DLGAP1: variants seen among roughly 807,000 people sequenced by gnomAD.
DLGAP1 encodes disks large-associated protein 1.
Under a neutral mutation model 90.8 loss-of-function variants are expected in DLGAP1, and 11 were observed. The ratio of observed to expected loss-of-function variants is 0.12; its 90% CI spans 0.08 to 0.20. DLGAP1 has a LOEUF of 0.20. Among genes scored for constraint, DLGAP1 ranks in the 10% least tolerant of loss-of-function variants. The pLI, the probability that DLGAP1 is intolerant of heterozygous loss-of-function variation, is 1.00. For missense variants in DLGAP1, 1,050 were observed against 1,333.8 expected, an observed-to-expected ratio of 0.79 and a Z score of 3.31; for synonymous variants, 558 against 540.7, an observed-to-expected ratio of 1.03 and a Z score of -0.44.
chr18:3,843,566 G>C (rs1012105178), intron 4 of DLGAP1, among the ~76,000 whole-genome samples: 1 of 152,126 alleles, frequency 6.6e-6, no homozygotes, highest in Non-Finnish European at 1.5e-5. Flanking sequence ...GAGAAAAATA[G>C]CAGAATTAAA....
intron 1 of DLGAP1, among the ~76,000 whole-genome samples, chr18:4,274,219 A>G (rs2079355476): frequency 6.6e-6 from 1 of 151,956 alleles, no homozygotes. Context: ...CTTCATTTTC[A>G]GTCATCTCAA....
intron 3 of DLGAP1, among the ~76,000 whole-genome samples, chr18:3,946,174 A>AT (rs1385468195): frequency 6.6e-6 from 1 of 152,082 alleles, no homozygotes; most frequent in Non-Finnish European, 1.5e-5. Flanking sequence ...CTTTAAAAGA[A>AT]TAAAAAGTGA....
chr18:4,350,685 A>G (rs1367324360), intron 1 of DLGAP1, among the ~76,000 whole-genome samples: 2 of 152,174 alleles, frequency 1.3e-5, no homozygotes, highest in African/African-American at 4.8e-5. Flanking sequence ...ACTTTAATAG[A>G]ATTTCATAAC....
chr18:3,956,627 A>C (rs1336022946), intron 3 of DLGAP1, among the ~76,000 whole-genome samples: 1 of 151,442 alleles, frequency 6.6e-6, no homozygotes, highest in Non-Finnish European at 1.5e-5. Context: ...GGATTATAGA[A>C]GTGAACCACC....
chr18:4,217,626 T>C (rs996126800), intron 1 of DLGAP1, among the ~76,000 whole-genome samples: 5 of 152,010 alleles, frequency 3.3e-5, no homozygotes, highest in Non-Finnish European at 1.5e-5. Context: ...TATATATATA[T>C]ATGTTTGGTG....
chr18:3,705,418 G>A (rs569061172), intron 7 of DLGAP1, among the ~76,000 whole-genome samples: 2 of 151,464 alleles, frequency 1.3e-5, no homozygotes, highest in Non-Finnish European at 2.9e-5. Flanking sequence ...TAGTTGCAAT[G>A]AGTTATCTGT....
At chr18:4,172,727 T>C (rs531110465) in intron 1 of DLGAP1, among the ~76,000 whole-genome samples, 3 of 152,326 alleles carry the variant, frequency 2.0e-5, no homozygotes, top group Admixed American at 6.5e-5. Context: ...CCGCAGCTGC[T>C]TCAACCCAGA....
At chr18:3,616,091 T>C (rs1458833158) in intron 7 of DLGAP1, among the ~76,000 whole-genome samples, 3 of 152,196 alleles carry the variant, frequency 2.0e-5, no homozygotes, top group African/African-American at 7.2e-5. Flanking sequence ...AGAGTTCTGC[T>C]GAGTAATTTG....
At chr18:4,365,506 CG>C (rs1567864175) in intron 1 of DLGAP1, among the ~76,000 whole-genome samples, 1 of 152,010 alleles carries the variant, frequency 6.6e-6, no homozygotes, top group East Asian at 1.9e-4. Context: ...ACCCTATAAA[CG>C]TACATAAAAT....
chr18:3,527,411 T>TGTTTTG (rs60355991), intron 10 of DLGAP1, among the ~76,000 whole-genome samples: 3 of 4,556 alleles, frequency 6.6e-4, no homozygotes, highest in Admixed American at 3.8e-3. Context: ...TTTTCCAAAC[T>TGTTTTG]TTTTTTTTTT....
At chr18:4,189,444 T>C (rs996750630) in intron 1 of DLGAP1, among the ~76,000 whole-genome samples, 1 of 152,120 alleles carries the variant, frequency 6.6e-6, no homozygotes, top group Non-Finnish European at 1.5e-5. Context: ...GAAGTGAGCA[T>C]TGAAACTACA....
In DLGAP1 at chr18:4,454,277, C is replaced by T. The variant is rs2083912338; in HGVS notation, c.-267+729G>A. Among the ~76,000 whole-genome samples the T allele has an allele frequency of 6.6e-6, 1 of 152,222 alleles. No individual in the cohort carries two copies. The highest frequency in any genetic ancestry group is 6.5e-5 in the Admixed American group (1 of 15,286). ...CCCAGAGGAGAGGTCCCTGTTTGGCCTTGGTTCCAGCCCGGCTCATTCAAT... is the reference window on the plus strand; with the variant it reads ...CCCAGAGGAGAGGTCCCTGTTTGGCTTTGGTTCCAGCCCGGCTCATTCAAT... On this transcript the variant is annotated intron_variant, in intron 1 of 12. Coordinates refer to ENST00000315677, the MANE Select transcript of DLGAP1 (RefSeq NM_004746.4). This position sits in a 1 kb window ranked among gnomAD's most constrained non-coding sequence, Gnocchi z 4.7.
chr18:4,241,448 A>C (rs1295163745), intron 1 of DLGAP1, among the ~76,000 whole-genome samples: 1 of 152,216 alleles, frequency 6.6e-6, no homozygotes, highest in Admixed American at 6.5e-5. Flanking sequence ...ATGATAATGA[A>C]ATCTCACTGT....
intron 2 of DLGAP1, among the ~76,000 whole-genome samples, chr18:4,145,387 T>A (rs1468394291): frequency 6.6e-6 from 1 of 152,192 alleles, no homozygotes; most frequent in Non-Finnish European, 1.5e-5. Flanking sequence ...TCAGAACACA[T>A]TAACTTGAGA....
At position 3,499,311 on chromosome 18, in the gene DLGAP1, C is replaced by A. The variant is rs529778142; in HGVS notation, c.2808G>T (p.Ser936=). The change falls in exon 13 of 13, where the codon TCG becomes TCT. Residue 936 remains serine, a synonymous_variant. Coordinates refer to ENST00000315677, the MANE Select transcript of DLGAP1 (RefSeq NM_004746.4). This position sits in a 1 kb window ranked among gnomAD's most constrained non-coding sequence, Gnocchi z 6.4. ...PLIRERSLES[S]QRQEARKRLM... ...GGCGCTTGCGGGCCTCCTGGCGCTGCGAGCTCTCCAGCGAGCGCTCCCGGA... is the reference window on the plus strand; with the variant it reads ...GGCGCTTGCGGGCCTCCTGGCGCTGAGAGCTCTCCAGCGAGCGCTCCCGGA... 16 of 1,576,656 alleles carry A rather than the reference C, an allele frequency of 1.0e-5. No individual in the cohort carries two copies. The highest frequency in any genetic ancestry group is 1.3e-5 in the Non-Finnish European group (15 of 1,162,416).
intron 1 of DLGAP1, among the ~76,000 whole-genome samples, chr18:4,176,534 T>C (rs1224067922): frequency 6.6e-6 from 1 of 152,222 alleles, no homozygotes; most frequent in East Asian, 1.9e-4. Flanking sequence ...AGGAGCCTTC[T>C]TCATTTCCAC....
At chr18:4,408,482 A>G (rs2082711078) in intron 1 of DLGAP1, among the ~76,000 whole-genome samples, 1 of 152,148 alleles carries the variant, frequency 6.6e-6, no homozygotes, top group South Asian at 2.1e-4. Flanking sequence ...AAAACCAAAA[A>G]AGAATATGTC....
chr18:3,772,340 CTCTCTCTCTTTCTTTCTTTCTTTCTT>C (rs2064652677), intron 5 of DLGAP1, among the ~76,000 whole-genome samples: 23 of 51,316 alleles, frequency 4.5e-4, no homozygotes, highest in African/African-American at 1.7e-3. Flanking sequence ...CCTTCTCTCT[CTCTCTCTCTTTCTTTCTTTCTTTCTT>C]TCTTTCTTTC....
chr18:3,579,254 C>T (rs934016765), intron 8 of DLGAP1, among the ~76,000 whole-genome samples: 6 of 152,158 alleles, frequency 3.9e-5, no homozygotes, highest in African/African-American at 9.7e-5. Flanking sequence ...CTTGTTGCCC[C>T]GACTTGTGTG....
Sources: gnomAD v4.1 joint callset for allele counts (sites outside exome capture counted in the v4.1 genomes callset) on GRCh38, gnomAD v4.1.1 for gene constraint, Gnocchi (gnomAD v3.1) non-coding constraint, MANE v1.5 for transcripts, NCBI Gene and HGNC (gene_info 2026-07-23, HGNC 2026-07-21) for gene names.